LONRF3: variants seen among roughly 807,000 people sequenced by gnomAD.
LONRF3 encodes LON peptidase N-terminal domain and RING finger protein 3.
LONRF3 carries 19 observed loss-of-function variants against 51.7 expected under a neutral mutation model. The observed-to-expected ratio is 0.37, with a 90% confidence interval of 0.26 to 0.54. The LOEUF is 0.54. LONRF3 is among the 20% of genes least tolerant of loss of function. The pLI, the probability that LONRF3 is intolerant of heterozygous loss-of-function variation, is 0.86. For synonymous variants in LONRF3, 265 were observed against 257.8 expected (o/e 1.03, Z -0.27); for missense variants, 521 against 623.9 (o/e 0.84, Z 1.76).
intron 1 of LONRF3, among the ~76,000 whole-genome samples, chrX:118,975,808 T>G (rs895637364): frequency 9.1e-6 from 1 of 110,090 alleles, no homozygotes; most frequent in Non-Finnish European, 1.9e-5. Context: ...TCACTGTGTT[T>G]GTGTTGATCT....
At position 118,990,585 on chromosome X, in the gene LONRF3, C is replaced by G. The variant is rs371342500; in HGVS notation, c.1415+25C>G. 3.6e-6 allele frequency: 4 copies of G among 1,123,439 alleles called. No homozygotes were observed. In the African/African-American group the frequency reaches 7.2e-5, roughly 20 times the overall value. The allele number at this position is 1,123,439 out of a possible 1,213,427, so 92.6% of individuals were successfully genotyped here. ...GGTACGTCCTGTGTACTATCATTTA[C>G]TTCCTGATGTTTCTTCATCTCTGGT... On this transcript the variant is annotated intron_variant, in intron 5 of 10. Transcript: ENST00000371628.
At chrX:118,981,653 A>G (rs1419321216) in intron 2 of LONRF3, among the ~76,000 whole-genome samples, 3 of 111,054 alleles carry the variant, frequency 2.7e-5, no homozygotes, top group African/African-American at 9.8e-5. Context: ...GCAACAAGGG[A>G]GGCCATCAAC....
At chrX:118,981,566 A>G (rs573096760) in intron 2 of LONRF3, among the ~76,000 whole-genome samples, 9 of 110,106 alleles carry the variant, frequency 8.2e-5, no homozygotes, top group African/African-American at 1.3e-4. Context: ...CAGTCTCCCA[A>G]CACTTCTCCC....
intron 3 of LONRF3, among the ~76,000 whole-genome samples, chrX:118,984,670 C>T (rs755591733): frequency 7.1e-5 from 8 of 112,527 alleles, no homozygotes; most frequent in African/African-American, 2.6e-4. Context: ...AGGAACTTAA[C>T]AATCTTGCAT....
chrX:119,004,564 G>C (rs367843829), intron 5 of LONRF3, among the ~76,000 whole-genome samples: 9 of 112,468 alleles, frequency 8.0e-5, no homozygotes, highest in African/African-American at 2.9e-4. Flanking sequence ...AAAAATTTCT[G>C]ATGCCTGTCC....
intron 8 of LONRF3, 130 bp downstream of exon 8, chrX:119,012,103 T>C (rs1925151524): frequency 1.6e-6 from 1 of 621,967 alleles, no homozygotes; most frequent in Non-Finnish European, 2.5e-6. Flanking sequence ...TGAGCATTTG[T>C]AAGGATCATT....
chrX:119,004,171 T>C (rs1480576467), intron 5 of LONRF3, among the ~76,000 whole-genome samples: 1 of 112,121 alleles, frequency 8.9e-6, no homozygotes, highest in Non-Finnish European at 1.9e-5. Flanking sequence ...AAATAGTTTT[T>C]CTTTTTTAAA....
At chrX:118,986,953 T>C (rs1471025161) in intron 3 of LONRF3, 94 of 1,152,386 alleles carry the variant, frequency 8.2e-5, no homozygotes, top group Non-Finnish European at 6.8e-5. Flanking sequence ...TCACCATCAG[T>C]CCCGGGGGAT....
At chrX:118,985,115 C>T (rs560079664) in intron 3 of LONRF3, among the ~76,000 whole-genome samples, 1 of 112,241 alleles carries the variant, frequency 8.9e-6, no homozygotes, top group East Asian at 2.8e-4. Context: ...AGAGAGATCT[C>T]AAGTAGTAAA....
chrX:119,009,439 G>A (rs925223167), intron 7 of LONRF3, among the ~76,000 whole-genome samples, 192 bp downstream of exon 7: 8 of 111,901 alleles, frequency 7.1e-5, no homozygotes, highest in African/African-American at 2.3e-4. Context: ...CAGAGAGCCA[G>A]TTGTTAAACA....
In LONRF3 at chrX:119,011,934, C is replaced by G; in HGVS notation, c.1772C>G (p.Thr591Arg). The change falls in exon 8 of 11, where the codon ACG becomes AGG. Residue 591 changes from threonine (T) to arginine (R), a missense_variant. Thr to Arg is a moderately conservative substitution (Grantham distance 71). This residue lies in a region of LONRF3 where 145 missense variants were observed against 247.2 expected (regional missense o/e 0.59). Transcript: ENST00000371628. ...ATTCGTAGATGCATTGAGACAGGCA[C>G]GAGACAGTTTGGCATGTGCCTTGGA... The part of the protein sequence containing the change: ...LMIRRCIETG[T>R]RQFGMCLGDP... 2.5e-6 allele frequency: 3 copies of G among 1,211,564 alleles called. No individual in the cohort carries two copies. The highest frequency in any genetic ancestry group is 3.4e-6 in the Non-Finnish European group (3 of 895,403).
intron 3 of LONRF3, 121 bp downstream of exon 3, chrX:118,983,064 T>A: frequency 1.3e-6 from 1 of 748,310 alleles, no homozygotes; most frequent in Non-Finnish European, 1.9e-6. Flanking sequence ...GGTGGTTCCC[T>A]GGGTTAAGGG....
intron 10 of LONRF3, 79 bp downstream of exon 10, chrX:119,014,435 G>A: frequency 1.1e-6 from 1 of 928,963 alleles, no homozygotes; most frequent in Non-Finnish European, 1.5e-6. Flanking sequence ...ATGGGTATGT[G>A]GCTGCCATTC....
At chrX:119,014,843 A>G (rs1360635811) in intron 10 of LONRF3, among the ~76,000 whole-genome samples, 2 of 111,928 alleles carry the variant, frequency 1.8e-5, no homozygotes, top group Non-Finnish European at 3.8e-5. Context: ...CAACTGCAAG[A>G]CCACAAAAAC....
At chrX:119,002,135 T>C (rs1241689317) in intron 5 of LONRF3, among the ~76,000 whole-genome samples, 1 of 112,365 alleles carries the variant, frequency 8.9e-6, no homozygotes, top group Non-Finnish European at 1.9e-5. Flanking sequence ...AATATAAATA[T>C]GTTCTCTTAA....
intron 9 of LONRF3, among the ~76,000 whole-genome samples, 172 bp downstream of exon 9, chrX:119,013,373 T>C (rs890671502): frequency 3.6e-5 from 4 of 112,148 alleles, no homozygotes; most frequent in Non-Finnish European, 5.6e-5. Context: ...ACTATGGCAG[T>C]GAGGGCGCCT....
chrX:118,991,951 A>T (rs989771752), intron 5 of LONRF3, among the ~76,000 whole-genome samples: 1 of 112,034 alleles, frequency 8.9e-6, no homozygotes, highest in African/African-American at 3.3e-5. Context: ...ATTCTAATAG[A>T]TGTATTAATG....
intron 5 of LONRF3, 34 bp downstream of exon 5, chrX:118,990,594 G>A (rs1314797828): frequency 1.8e-6 from 2 of 1,106,776 alleles, no homozygotes; most frequent in Non-Finnish European, 2.5e-6. Flanking sequence ...ACTTCCTGAT[G>A]TTTCTTCATC....
At position 119,013,124 on chromosome X, in the gene LONRF3, AGGCGCTTCAG is replaced by A; in HGVS notation, c.1900_1909del (p.Arg634CysfsTer53). On this transcript the variant is annotated frameshift_variant, in exon 9 of 11. Transcript: ENST00000371628. LOFTEE classifies it high-confidence loss of function. ...CTCAGTGGTTGACAGCATAGGCAAG[AGGCGCTTCAG>A]GGTGCTCCATCAGAGCCAGCGGGAT... 1 of 1,212,199 alleles carries A rather than the reference AGGCGCTTCAG, an allele frequency of 8.2e-7. No homozygotes were observed. The highest frequency in any genetic ancestry group is 1.1e-6 in the Non-Finnish European group (1 of 895,557).
Sources: gnomAD v4.1 joint callset for allele counts (sites outside exome capture counted in the v4.1 genomes callset) on GRCh38, gnomAD v4.1.1 for gene constraint, gnomAD v4.1.1 regional missense constraint, MANE v1.5 for transcripts, NCBI Gene and HGNC (gene_info 2026-07-23, HGNC 2026-07-21) for gene names.